The following DENND5B variants were observed in gnomAD, a reference collection of about 807,000 sequenced individuals.
DENND5B encodes the protein DENN domain-containing protein 5B.
A neutral mutation model predicts 140.6 loss-of-function variants in DENND5B; 34 were observed. That is an observed-to-expected ratio of 0.24 (90% CI 0.18 to 0.32). The LOEUF (loss-of-function observed/expected upper bound fraction) is 0.32. Among genes scored for constraint, DENND5B ranks in the 10% least tolerant of loss-of-function variants. The pLI is 1.00. For missense variants in DENND5B, 1,142 were observed against 1,560.2 expected (o/e 0.73, Z 4.52); for synonymous variants, 551 against 562.1 (o/e 0.98, Z 0.28).
At chr12:31,565,563 ATG>A (rs1949598587) in intron 1 of DENND5B, among the ~76,000 whole-genome samples, 1 of 152,194 alleles carries the variant, frequency 6.6e-6, no homozygotes, top group Non-Finnish European at 1.5e-5. Context: ...TTCATTTAGA[ATG>A]TGATTTAGGT....
rs755851543 is a variant in DENND5B, at chr12:31,382,704, A to C, written c.*4899T>G. The C allele has an allele frequency of 2.6e-5, 4 of 151,954 alleles. No homozygotes were observed. The highest frequency in any genetic ancestry group is 4.4e-5 in the Non-Finnish European group (3 of 67,946). 9.4% of individuals were successfully genotyped at this position (151,954 alleles called of 1,614,324 possible). ...CCTGGATCCCTTCGAATGAGGAAAAATTTTATTTGAGGTTTTTTTTTTTTC... is the reference window on the plus strand; with the variant it reads ...CCTGGATCCCTTCGAATGAGGAAAACTTTTATTTGAGGTTTTTTTTTTTTC... On this transcript the variant is annotated 3_prime_UTR_variant, in exon 21 of 21. Transcript: ENST00000389082.
chr12:31,543,282 G>C (rs945844161), intron 1 of DENND5B, among the ~76,000 whole-genome samples: 3 of 152,142 alleles, frequency 2.0e-5, no homozygotes, highest in Non-Finnish European at 2.9e-5. Flanking sequence ...CATATGTTTT[G>C]TAACAGAAAA....
intron 1 of DENND5B, among the ~76,000 whole-genome samples, chr12:31,520,693 A>G (rs1042132956): frequency 1.3e-5 from 2 of 152,080 alleles, no homozygotes; most frequent in African/African-American, 4.8e-5. Flanking sequence ...GGTGTGTGCC[A>G]CCATGCCCGG....
At chr12:31,584,194 T>C (rs192568357) in intron 1 of DENND5B, among the ~76,000 whole-genome samples, 2 of 152,308 alleles carry the variant, frequency 1.3e-5, no homozygotes, top group Middle Eastern at 3.4e-3. Context: ...CAAACAGAAC[T>C]TGTACTCCTC....
intron 7 of DENND5B, among the ~76,000 whole-genome samples, chr12:31,439,452 TATC>T (rs1392584980): frequency 2.0e-5 from 3 of 151,894 alleles, no homozygotes; most frequent in African/African-American, 7.3e-5. Context: ...TCATAACTCT[TATC>T]ATCTGACATG....
intron 7 of DENND5B, among the ~76,000 whole-genome samples, chr12:31,440,952 T>C (rs1944002609): frequency 6.6e-6 from 1 of 152,134 alleles, no homozygotes; most frequent in Admixed American, 6.5e-5. Flanking sequence ...GCCAGGCTGG[T>C]CTTTAACTCC....
rs778377044 is a variant in DENND5B, at chr12:31,413,425, T to C, written c.2681+11A>G. On this transcript the variant is annotated intron_variant, in intron 13 of 20. Coordinates refer to ENST00000389082, the MANE Select transcript of DENND5B (RefSeq NM_144973.4). ...TATAGAAACAGAAATGTATCAAAGA[T>C]GGTATCTTACTTGGTGAGTGGTTGG... is the stretch of plus-strand genomic sequence containing the variant. 13 of 1,606,916 alleles carry C rather than the reference T, an allele frequency of 8.1e-6. No homozygotes were observed. The highest frequency in any genetic ancestry group is 1.7e-5 in the Admixed American group (1 of 58,222).
chr12:31,422,489 T>C (rs926170178), intron 11 of DENND5B, among the ~76,000 whole-genome samples: 1 of 151,638 alleles, frequency 6.6e-6, no homozygotes, highest in Admixed American at 6.6e-5. Flanking sequence ...TAATCCCAGC[T>C]ACTCAGGAGG....
In DENND5B at chr12:31,443,044, TTG is replaced by T. The variant is rs60242727; in HGVS notation, c.1862-121_1862-120del. On this transcript the variant is annotated intron_variant, in intron 6 of 20. Transcript: ENST00000389082. ...TCACTCTGACACTCTGAAACAGATA[TTG>T]TGTGTGTGTGTGTGTGTGCACGCAC... is the stretch of plus-strand genomic sequence containing the variant. 3,133 of 500,594 alleles carry T rather than the reference TTG, an allele frequency of 6.3e-3. 11 individuals are homozygous for T. The highest frequency in any genetic ancestry group is 0.025 in the African/African-American group (1,313 of 52,164). 31.0% of individuals were successfully genotyped at this position (500,594 alleles called of 1,614,324 possible). A position where few individuals can be genotyped will look rare whatever the true frequency, so the allele number is the denominator to read the frequency against.
intron 20 of DENND5B, among the ~76,000 whole-genome samples, 165 bp downstream of exon 20, chr12:31,389,159 G>A (rs930309294): frequency 1.3e-5 from 2 of 152,116 alleles, no homozygotes; most frequent in African/African-American, 2.4e-5. Context: ...ATTATGCCAC[G>A]GTACTCCAGC....
chr12:31,473,811 A>G (rs1355037741), intron 3 of DENND5B, among the ~76,000 whole-genome samples: 1 of 152,206 alleles, frequency 6.6e-6, no homozygotes, highest in African/African-American at 2.4e-5. Flanking sequence ...CCTATTGAAA[A>G]AGAAATGGTT....
chr12:31,429,848 A>G (rs1010455643), intron 8 of DENND5B, among the ~76,000 whole-genome samples: 1 of 151,884 alleles, frequency 6.6e-6, no homozygotes, highest in Non-Finnish European at 1.5e-5. Context: ...CTGGCATTAT[A>G]GGCGCGTGCT....
intron 6 of DENND5B, among the ~76,000 whole-genome samples, chr12:31,445,702 CA>C (rs11409295): frequency 1.1e-4 from 16 of 144,600 alleles, no homozygotes; most frequent in Non-Finnish European, 1.1e-4. Context: ...GATTCTGTTT[CA>C]AAAAAAAAAA....
chr12:31,458,408 C>T lies in DENND5B; in HGVS notation c.1092+1786G>A, dbSNP rs1190180005. ...CAAAATGCATTTGGCTAGTCTATTT[C>T]TTTTTCCTTGAAAATTTAAAGGATT... On this transcript the variant is annotated intron_variant, in intron 4 of 20. Coordinates refer to ENST00000389082, the MANE Select transcript of DENND5B (RefSeq NM_144973.4). Among the ~76,000 whole-genome samples the T allele has an allele frequency of 2.6e-5, 4 of 152,160 alleles. No individual in the cohort carries two copies. The South Asian group carries it at 8.3e-4, about 32-fold the overall frequency.
intron 1 of DENND5B, 62 bp downstream of exon 1, chr12:31,590,644 C>A (rs931862164): frequency 2.9e-6 from 4 of 1,385,940 alleles, no homozygotes; most frequent in Non-Finnish European, 3.7e-6. Context: ...GCCTCCCGCG[C>A]GTCCCCACAG....
At chr12:31,581,317 G>A (rs1020550877) in intron 1 of DENND5B, among the ~76,000 whole-genome samples, 1 of 152,004 alleles carries the variant, frequency 6.6e-6, no homozygotes, top group Non-Finnish European at 1.5e-5. Flanking sequence ...TTTCAAACAG[G>A]AACCCCTGGG....
In DENND5B at chr12:31,466,464, G is replaced by A. The variant is rs13377702; in HGVS notation, c.905-6083C>T. ...TCCCAGCACTCTGGGAGGCCACGGC[G>A]CGTGGATCACTTGAGGTTAGGAGTT... On this transcript the variant is annotated intron_variant, in intron 3 of 20. Transcript: ENST00000389082. 6.2e-3 allele frequency among the ~76,000 whole-genome samples: 947 copies of A among 152,114 alleles called. 9 individuals carry two copies. The highest frequency in any genetic ancestry group is 0.021 in the African/African-American group (853 of 41,504).
intron 13 of DENND5B, among the ~76,000 whole-genome samples, chr12:31,410,762 G>C: frequency 6.6e-6 from 1 of 152,078 alleles, no homozygotes; most frequent in East Asian, 1.9e-4. Flanking sequence ...TATTTTGTCC[G>C]AGGTCATTCA....
intron 2 of DENND5B, among the ~76,000 whole-genome samples, chr12:31,488,365 C>T (rs78557843): frequency 0.021 from 3,123 of 152,196 alleles, 57 homozygotes; most frequent in South Asian, 0.052. Context: ...AATTGATAGG[C>T]GTTCCTGTCA....
Sources: gnomAD v4.1 joint callset for allele counts (sites outside exome capture counted in the v4.1 genomes callset) on GRCh38, gnomAD v4.1.1 for gene constraint, MANE v1.5 for transcripts, NCBI Gene and HGNC (gene_info 2026-07-23, HGNC 2026-07-21) for gene names.